The following PTPRD variants were observed in gnomAD, a reference collection of about 807,000 sequenced individuals.
PTPRD encodes the protein protein tyrosine phosphatase receptor type D, also known as receptor-type tyrosine-protein phosphatase delta.
A neutral mutation model predicts 214.5 loss-of-function variants in PTPRD; 34 were observed. The observed-to-expected ratio is 0.16, with a 90% CI of 0.12 to 0.21. PTPRD has a LOEUF of 0.21. Ranked by LOEUF, PTPRD falls within the 10% of genes least tolerant of loss-of-function variation. The pLI, the probability that PTPRD is intolerant of heterozygous loss-of-function variation, is 1.00. For synonymous variants in PTPRD, 1,128 were observed against 845.7 expected, an observed-to-expected ratio of 1.33 and a Z score of -5.79; for missense variants, 2,545 against 2,398.7, an observed-to-expected ratio of 1.06 and a Z score of -1.27.
At chr9:10,124,036 G>A (rs1011920480) in intron 3 of PTPRD, among the ~76,000 whole-genome samples, 4 of 152,198 alleles carry the variant, frequency 2.6e-5, no homozygotes, top group Admixed American at 2.6e-4. Flanking sequence ...GAACATCTGA[G>A]TTTTATTGCT....
At chr9:10,173,693 A>G (rs1411108543) in intron 3 of PTPRD, among the ~76,000 whole-genome samples, 1 of 151,960 alleles carries the variant, frequency 6.6e-6, no homozygotes, top group Non-Finnish European at 1.5e-5. Context: ...GGATAAACAG[A>G]AAATAACAAA....
At chr9:9,056,201 C>T (rs2099695929) in intron 10 of PTPRD, among the ~76,000 whole-genome samples, 1 of 152,142 alleles carries the variant, frequency 6.6e-6, no homozygotes, top group Non-Finnish European at 1.5e-5. Context: ...GCATTGACTA[C>T]AGGAGAGCTA....
intron 7 of PTPRD, among the ~76,000 whole-genome samples, chr9:9,617,945 G>A (rs561178333): frequency 9.3e-5 from 14 of 151,212 alleles, no homozygotes; most frequent in African/African-American, 3.2e-4. Context: ...GGTGGCGGGC[G>A]CCTGCGGTCC....
chr9:8,672,344 C>A (rs1565166685), intron 12 of PTPRD, among the ~76,000 whole-genome samples: 1 of 152,172 alleles, frequency 6.6e-6, no homozygotes, highest in Non-Finnish European at 1.5e-5. Flanking sequence ...AGGGAAAAGT[C>A]ACCTGAGACA....
At chr9:9,548,597 C>T (rs2079412205) in intron 8 of PTPRD, among the ~76,000 whole-genome samples, 1 of 151,540 alleles carries the variant, frequency 6.6e-6, no homozygotes, top group South Asian at 2.1e-4. Flanking sequence ...TGGGGTTTCA[C>T]CATGCTGGCC....
chr9:8,846,420 A>G (rs11788684), intron 11 of PTPRD, among the ~76,000 whole-genome samples: 20,246 of 152,186 alleles, frequency 0.13, 1,641 homozygotes, highest in East Asian at 0.23. Flanking sequence ...GCTTCCAGGT[A>G]CTCCTAATAA....
Position 9,226,930 on chromosome 9 carries a change from T to C in PTPRD, c.-202-43567A>G, listed in dbSNP as rs567058492. Among the ~76,000 whole-genome samples, 65 of 152,240 alleles carry C rather than the reference T, an allele frequency of 4.3e-4. 3 individuals carry two copies. The South Asian group carries it at 0.013, about 30-fold the overall frequency. ...AGATAATAAATATATCTAAATTTTG[T>C]TTCCAACATACTAAAGGAGGACTTT... On this transcript the variant is annotated intron_variant, in intron 9 of 45. Transcript: ENST00000381196.
At chr9:10,171,520 C>CTTTATT (rs1340619189) in intron 3 of PTPRD, among the ~76,000 whole-genome samples, 1 of 151,604 alleles carries the variant, frequency 6.6e-6, no homozygotes, top group Non-Finnish European at 1.5e-5. Context: ...TCTGGTATAT[C>CTTTATT]TTTATTTTTA....
intron 3 of PTPRD, among the ~76,000 whole-genome samples, chr9:10,107,490 C>T (rs924399440): frequency 2.6e-5 from 4 of 151,834 alleles, no homozygotes; most frequent in South Asian, 4.3e-4. Context: ...AACTTTGCCA[C>T]TTACCGGCTG....
At chr9:9,983,809 C>T (rs1386724401) in intron 4 of PTPRD, among the ~76,000 whole-genome samples, 3 of 152,192 alleles carry the variant, frequency 2.0e-5, no homozygotes, top group Non-Finnish European at 4.4e-5. Flanking sequence ...TTGAGCATTA[C>T]TGAAAACTAG....
At chr9:10,523,326 T>C (rs868454863) in intron 2 of PTPRD, among the ~76,000 whole-genome samples, 16 of 151,964 alleles carry the variant, frequency 1.1e-4, no homozygotes, top group African/African-American at 3.9e-4. Context: ...CTGGATTCTC[T>C]AGAAGGCGTG....
chr9:8,774,271 A>G (rs896263125), intron 11 of PTPRD, among the ~76,000 whole-genome samples: 2 of 152,100 alleles, frequency 1.3e-5, no homozygotes, highest in African/African-American at 2.4e-5. Flanking sequence ...TTTAGGTAGC[A>G]TACCTTATAA....
At chr9:9,775,736 G>C (rs1426398168) in intron 5 of PTPRD, among the ~76,000 whole-genome samples, 1 of 152,134 alleles carries the variant, frequency 6.6e-6, no homozygotes, top group Non-Finnish European at 1.5e-5. Context: ...GAGGTCAGGA[G>C]ACTGAGACCA....
rs149040833 is a variant in PTPRD, at chr9:10,259,213, A to C, written c.-545+81750T>G. ...AATTTTTTTTGTATTTTTAGTAGAG[A>C]AGGGGTTTCACCGTGTTAGTCAGGA... On this transcript the variant is annotated intron_variant, in intron 3 of 45. Transcript: ENST00000381196. Among the ~76,000 whole-genome samples the C allele has an allele frequency of 4.1e-3, 625 of 151,804 alleles. 6 individuals carry two copies. The highest frequency in any genetic ancestry group is 0.032 in the East Asian group (166 of 5,148).
intron 8 of PTPRD, among the ~76,000 whole-genome samples, chr9:9,435,940 C>G (rs1252185348): frequency 1.3e-5 from 2 of 152,064 alleles, no homozygotes; most frequent in African/African-American, 4.8e-5. Flanking sequence ...GTATTAGAAA[C>G]TTCTTTAGCC....
At position 8,497,286 on chromosome 9, in the gene PTPRD, G is replaced by A; in HGVS notation, c.2323-18C>T. 1.9e-6 allele frequency: 3 copies of A among 1,585,750 alleles called. No homozygotes were observed. Among genetic ancestry groups the A allele is most frequent in the Non-Finnish European group, 2.6e-6 (3 of 1,168,266 alleles). Reference sequence around the variant, plus strand: ...AATTCCCACTGATTGAGAATAAGAAGGTTGGGAGGAAAACAAAATAAAAAG... The same window carrying A: ...AATTCCCACTGATTGAGAATAAGAAAGTTGGGAGGAAAACAAAATAAAAAG... On this transcript the variant is annotated intron_variant, in intron 25 of 45. Coordinates refer to ENST00000381196, the MANE Select transcript of PTPRD (RefSeq NM_002839.4).
At chr9:8,464,650 T>C (rs1404836378) in intron 32 of PTPRD, among the ~76,000 whole-genome samples, 2 of 151,750 alleles carry the variant, frequency 1.3e-5, no homozygotes, top group Admixed American at 6.6e-5. Context: ...ATAATATGTA[T>C]ATTAAATGTT....
intron 2 of PTPRD, among the ~76,000 whole-genome samples, chr9:10,393,621 T>G (rs892372179): frequency 6.7e-6 from 1 of 149,644 alleles, no homozygotes; most frequent in Non-Finnish European, 1.5e-5. Flanking sequence ...CAAGACCCAG[T>G]ACTTATTCTG....
At chr9:9,161,470 G>A (rs1426887519) in intron 10 of PTPRD, among the ~76,000 whole-genome samples, 1 of 151,940 alleles carries the variant, frequency 6.6e-6, no homozygotes, top group Non-Finnish European at 1.5e-5. Flanking sequence ...GAGAAAGTGT[G>A]GTCTCATTTG....
Sources: gnomAD v4.1 joint callset for allele counts (sites outside exome capture counted in the v4.1 genomes callset) on GRCh38, gnomAD v4.1.1 for gene constraint, MANE v1.5 for transcripts, NCBI Gene and HGNC (gene_info 2026-07-23, HGNC 2026-07-21) for gene names.